SDK1: variants seen among roughly 807,000 people sequenced by gnomAD.
SDK1 encodes protein sidekick-1.
Under a neutral mutation model 245.5 loss-of-function variants are expected in SDK1, and 157 were observed. The ratio of observed to expected loss-of-function variants is 0.64; its 90% CI spans 0.56 to 0.73. SDK1 has a LOEUF of 0.73. Ranked by LOEUF, SDK1 falls within the 30% of genes least tolerant of loss-of-function variation. The pLI, the probability that SDK1 is intolerant of heterozygous loss-of-function variation, is 0.00. For synonymous variants in SDK1, 1,647 were observed against 1,278.5 expected (o/e 1.29, Z -6.15); for missense variants, 3,583 against 3,002.3 (o/e 1.19, Z -4.52).
chr7:4,093,712 C>T (rs1219836363), intron 22 of SDK1, among the ~76,000 whole-genome samples: 4 of 152,166 alleles, frequency 2.6e-5, no homozygotes, highest in Non-Finnish European at 4.4e-5. Flanking sequence ...ACGCATGCCT[C>T]GGTGAAGTCG....
rs17133578 is a variant in SDK1 at position 3,577,377 on chromosome 7, G to A, written c.299-41703G>A. 8.4e-3 allele frequency among the ~76,000 whole-genome samples: 1,272 copies of A among 152,168 alleles called. 20 individuals carry two copies. Among genetic ancestry groups the A allele is most frequent in the African/African-American group, 0.028 (1,182 of 41,562 alleles). On this transcript the variant is annotated intron_variant, in intron 1 of 44. Coordinates refer to ENST00000404826, the MANE Select transcript of SDK1 (RefSeq NM_152744.4). ...CAGGCCAAGGTTTTACGGCCTGAGC[G>A]TCATAGCATCAGAGTGGCCCATGAT...
At chr7:3,563,929 AATTAAATAAC>A (rs1779826076) in intron 1 of SDK1, among the ~76,000 whole-genome samples, 1 of 152,146 alleles carries the variant, frequency 6.6e-6, no homozygotes, top group Non-Finnish European at 1.5e-5. Flanking sequence ...TGTGGTTACA[AATTAAATAAC>A]ATATTTCTAA....
At chr7:3,918,608 T>C (rs910360989) in intron 5 of SDK1, among the ~76,000 whole-genome samples, 2 of 152,172 alleles carry the variant, frequency 1.3e-5, no homozygotes, top group Admixed American at 6.5e-5. Context: ...ATCATAGAAA[T>C]AAAGGGCACA....
chr7:3,496,545 T>C (rs1782032529), intron 1 of SDK1, among the ~76,000 whole-genome samples: 1 of 152,164 alleles, frequency 6.6e-6, no homozygotes, highest in East Asian at 1.9e-4. Context: ...GAAAATCATA[T>C]TCTTTTGCAT....
In SDK1 at chr7:3,842,866, C is replaced by G. The variant is rs186874619; in HGVS notation, c.847+21283C>G. 1.3e-3 allele frequency among the ~76,000 whole-genome samples: 198 copies of G among 152,238 alleles called. 1 individual carries two copies. Among genetic ancestry groups the G allele is most frequent in the African/African-American group, 4.6e-3 (193 of 41,552 alleles). ...AGACAGTGTCTCCACAGAGTCAAGA[C>G]ATTTACTATGACATCTGTGGCTCCA... is the stretch of plus-strand genomic sequence containing the variant. On this transcript the variant is annotated intron_variant, in intron 5 of 44. Transcript: ENST00000404826.
At chr7:3,864,242 A>G (rs908690940) in intron 5 of SDK1, among the ~76,000 whole-genome samples, 11 of 152,290 alleles carry the variant, frequency 7.2e-5, no homozygotes, top group Non-Finnish European at 8.8e-5. Context: ...GTTTATGTCA[A>G]TTTGGGCAGG....
At chr7:3,398,137 A>AGGTTTTCTGTAGCTGTG (rs1778775053) in intron 1 of SDK1, among the ~76,000 whole-genome samples, 1 of 152,058 alleles carries the variant, frequency 6.6e-6, no homozygotes, top group Non-Finnish European at 1.5e-5. Context: ...CTGTAGCTGT[A>AGGTTTTCTGTAGCTGTG]GGTTTTTCTG....
chr7:4,147,971 G>T (rs190164412), intron 29 of SDK1, among the ~76,000 whole-genome samples: 1 of 117,192 alleles, frequency 8.5e-6, no homozygotes, highest in Non-Finnish European at 1.8e-5. Flanking sequence ...CCACAGCCCC[G>T]CCCCACAGTC....
intron 26 of SDK1, 145 bp from the exon 27 acceptor site, chr7:4,129,763 G>C (rs542684179): frequency 1.3e-5 from 19 of 1,464,948 alleles, no homozygotes; most frequent in African/African-American, 1.4e-5. Context: ...GGACAAATTA[G>C]ATCCAGAAGC....
At chr7:3,623,506 G>A (rs1211800011) in intron 2 of SDK1, among the ~76,000 whole-genome samples, 6 of 152,032 alleles carry the variant, frequency 3.9e-5, no homozygotes, top group African/African-American at 1.5e-4. Flanking sequence ...CTCCCAAAGT[G>A]CTGGGATTAC....
chr7:3,351,733 A>C (rs1401490328), intron 1 of SDK1, among the ~76,000 whole-genome samples: 1 of 152,180 alleles, frequency 6.6e-6, no homozygotes, highest in Non-Finnish European at 1.5e-5. Context: ...ATATAGGTAC[A>C]TATTATATAA....
At chr7:3,775,076 A>C (rs1780514335) in intron 4 of SDK1, among the ~76,000 whole-genome samples, 1 of 152,020 alleles carries the variant, frequency 6.6e-6, no homozygotes, top group South Asian at 2.1e-4. Flanking sequence ...GTGTTGTCCC[A>C]CTCCTGTTCC....
intron 4 of SDK1, among the ~76,000 whole-genome samples, chr7:3,662,764 TC>T (rs1307343392): frequency 6.6e-6 from 1 of 152,206 alleles, no homozygotes; most frequent in African/African-American, 2.4e-5. Flanking sequence ...ATCTGAAATT[TC>T]AAATGCTTCA....
At chr7:3,371,128 C>G (rs1409438965) in intron 1 of SDK1, among the ~76,000 whole-genome samples, 1 of 152,118 alleles carries the variant, frequency 6.6e-6, no homozygotes, top group African/African-American at 2.4e-5. Flanking sequence ...GAAGAGTTAT[C>G]CTGCCTCCAC....
chr7:4,014,970 G>C (rs1786279478), intron 16 of SDK1, among the ~76,000 whole-genome samples: 2 of 152,116 alleles, frequency 1.3e-5, no homozygotes, highest in South Asian at 4.2e-4. Flanking sequence ...GTGCTGTTAA[G>C]AGTGGCCCCA....
chr7:3,720,128 G>A (rs1785323346), intron 4 of SDK1, among the ~76,000 whole-genome samples: 6 of 151,948 alleles, frequency 3.9e-5, no homozygotes, highest in Non-Finnish European at 5.9e-5. Context: ...ACCTTATTAA[G>A]AGTATAAAAA....
chr7:3,414,994 T>C (rs1583823386), intron 1 of SDK1, among the ~76,000 whole-genome samples: 1 of 152,364 alleles, frequency 6.6e-6, no homozygotes, highest in Middle Eastern at 3.4e-3. Flanking sequence ...GTTGGTTGTT[T>C]TGACTTTTCG....
chr7:4,076,690 C>T (rs1780702006), intron 20 of SDK1, among the ~76,000 whole-genome samples: 1 of 152,234 alleles, frequency 6.6e-6, no homozygotes, highest in Admixed American at 6.5e-5. Flanking sequence ...TCAGTTCACG[C>T]ACCTGGTGCT....
At chr7:3,661,967 T>C (rs1021516678) in intron 4 of SDK1, among the ~76,000 whole-genome samples, 13 of 152,030 alleles carry the variant, frequency 8.6e-5, no homozygotes, top group African/African-American at 3.1e-4. Context: ...TTATTACCAT[T>C]AGTGGTTCTG....
Sources: allele counts gnomAD v4.1 joint callset (sites outside exome capture counted in the v4.1 genomes callset), GRCh38; gene constraint gnomAD v4.1.1; transcripts MANE v1.5; gene names NCBI Gene and HGNC (gene_info 2026-07-23, HGNC 2026-07-21).